FIGN: variants seen among roughly 807,000 people sequenced by gnomAD.
FIGN encodes fidgetin, microtubule severing factor.
Under a neutral mutation model 51.3 loss-of-function variants are expected in FIGN, and 11 were observed. That is an observed-to-expected ratio of 0.21 (90% confidence interval 0.13 to 0.35). FIGN has a LOEUF of 0.35. FIGN is among the 10% of genes least tolerant of loss of function. The pLI is 1.00. For synonymous variants in FIGN, 407 were observed against 363.2 expected, an observed-to-expected ratio of 1.12 and a Z score of -1.37; for missense variants, 857 against 943.6, an observed-to-expected ratio of 0.91 and a Z score of 1.20.
At chr2:163,612,609 T>C in intron 2 of FIGN, 1 of 985,130 alleles carries the variant, frequency 1.0e-6, no homozygotes. Context: ...AAGCATCACT[T>C]GTCTGTCGGT....
chr2:163,700,957 G>A (rs1024521511), intron 2 of FIGN, among the ~76,000 whole-genome samples: 2 of 152,056 alleles, frequency 1.3e-5, no homozygotes, highest in Admixed American at 1.3e-4. Flanking sequence ...GAACACACTA[G>A]ATGTACAACT....
intron 2 of FIGN, among the ~76,000 whole-genome samples, chr2:163,628,962 G>T (rs757450620): frequency 1.3e-5 from 2 of 152,102 alleles, no homozygotes; most frequent in African/African-American, 2.4e-5. Context: ...GCTACAATTT[G>T]TCTCTCCTTG....
intron 2 of FIGN, among the ~76,000 whole-genome samples, chr2:163,614,143 C>T (rs560330668): frequency 9.2e-5 from 14 of 152,180 alleles, no homozygotes; most frequent in South Asian, 8.3e-4. Context: ...AGGATGAGTT[C>T]CAGGGAGAAC....
At chr2:163,686,360 T>A (rs1273650841) in intron 2 of FIGN, among the ~76,000 whole-genome samples, 1 of 152,198 alleles carries the variant, frequency 6.6e-6, no homozygotes, top group Non-Finnish European at 1.5e-5. Flanking sequence ...GTTGATTAAA[T>A]GTACACTTAA....
intron 2 of FIGN, among the ~76,000 whole-genome samples, chr2:163,649,562 G>C (rs1182728311): frequency 4.6e-5 from 7 of 152,164 alleles, no homozygotes. Flanking sequence ...TAGGCACCCA[G>C]CATTTGAGGG....
At chr2:163,683,114 C>G (rs1684091563) in intron 2 of FIGN, among the ~76,000 whole-genome samples, 1 of 152,136 alleles carries the variant, frequency 6.6e-6, no homozygotes, top group Non-Finnish European at 1.5e-5. Context: ...CTGGATATGC[C>G]TTTTGTTGAA....
chr2:163,735,294 A>C (rs950876860), intron 1 of FIGN, among the ~76,000 whole-genome samples: 6 of 151,852 alleles, frequency 4.0e-5, no homozygotes, highest in African/African-American at 1.5e-4. Context: ...GTTCCTTGCC[A>C]ACAATACGCC....
At chr2:163,721,532 A>G (rs1423417003) in intron 2 of FIGN, among the ~76,000 whole-genome samples, 1 of 152,194 alleles carries the variant, frequency 6.6e-6, no homozygotes, top group Non-Finnish European at 1.5e-5. Context: ...CCTTCAATGT[A>G]CTGTCCTTTA....
In FIGN at chr2:163,651,286, C is replaced by A. The variant is rs187282038; in HGVS notation, c.26-39480G>T. 1.2e-4 allele frequency among the ~76,000 whole-genome samples: 19 copies of A among 152,154 alleles called. 1 individual carries two copies. In the East Asian group the frequency reaches 3.1e-3, roughly 25 times the overall value. ...GACTATCCTGGCTAACACGGTGAAA[C>A]CCCGTCTCTACTAAAAATACACAAA... is the stretch of plus-strand genomic sequence containing the variant. On this transcript the variant is annotated intron_variant, in intron 2 of 2. Coordinates refer to ENST00000333129, the MANE Select transcript of FIGN (RefSeq NM_018086.4).
chr2:163,735,702 GT>G (rs1321168114), intron 1 of FIGN, 135 bp downstream of exon 1: 1 of 152,276 alleles, frequency 6.6e-6, no homozygotes, highest in African/African-American at 2.4e-5. Context: ...ATAGAAACGA[GT>G]GGAAATTGAA....
intron 2 of FIGN, among the ~76,000 whole-genome samples, chr2:163,729,911 C>A (rs1442569711): frequency 2.0e-5 from 3 of 152,186 alleles, no homozygotes; most frequent in African/African-American, 4.8e-5. Context: ...AACAAGACAA[C>A]AAGCAGATTT....
intron 2 of FIGN, among the ~76,000 whole-genome samples, chr2:163,687,256 T>C (rs1358183007): frequency 6.6e-6 from 1 of 152,122 alleles, no homozygotes; most frequent in African/African-American, 2.4e-5. Context: ...AGGAATTGTG[T>C]CTAAACTTTT....
intron 2 of FIGN, among the ~76,000 whole-genome samples, chr2:163,638,917 AC>A (rs138255912): frequency 0.096 from 14,665 of 152,156 alleles, 1,007 homozygotes; most frequent in Non-Finnish European, 0.14. Flanking sequence ...TCTAAAAAAA[AC>A]ATCTAATTTA....
intron 2 of FIGN, among the ~76,000 whole-genome samples, chr2:163,657,799 G>A (rs1356713147): frequency 2.0e-5 from 3 of 152,010 alleles, no homozygotes; most frequent in Non-Finnish European, 4.4e-5. Context: ...GTAATAGATG[G>A]TATAGTGCAC....
chr2:163,720,099 G>A (rs1684733110), intron 2 of FIGN, among the ~76,000 whole-genome samples: 1 of 152,106 alleles, frequency 6.6e-6, no homozygotes, highest in African/African-American at 2.4e-5. Context: ...GTTATTACTG[G>A]AATCTGGAAA....
At chr2:163,666,779 C>T (rs1056256607) in intron 2 of FIGN, among the ~76,000 whole-genome samples, 5 of 151,948 alleles carry the variant, frequency 3.3e-5, no homozygotes, top group Non-Finnish European at 5.9e-5. Context: ...CAAAGAAGTA[C>T]CATAATCACA....
intron 2 of FIGN, among the ~76,000 whole-genome samples, chr2:163,672,141 G>C (rs749909679): frequency 6.6e-6 from 1 of 151,902 alleles, no homozygotes; most frequent in Admixed American, 6.6e-5. Context: ...TTAGTTCCCA[G>C]GTCAGAGCTA....
chr2:163,671,561 A>G (rs1194992992), intron 2 of FIGN, among the ~76,000 whole-genome samples: 1 of 152,204 alleles, frequency 6.6e-6, no homozygotes, highest in East Asian at 1.9e-4. Context: ...ATCAGTCAAC[A>G]TATTAATAAC....
intron 2 of FIGN, among the ~76,000 whole-genome samples, chr2:163,716,120 A>G (rs2105359692): frequency 6.6e-6 from 1 of 152,354 alleles, no homozygotes; most frequent in South Asian, 2.1e-4. Flanking sequence ...ATGAATCAGT[A>G]ATTTTCATGT....
Sources: gnomAD v4.1 joint callset for allele counts (sites outside exome capture counted in the v4.1 genomes callset) on GRCh38, gnomAD v4.1.1 for gene constraint, MANE v1.5 for transcripts, NCBI Gene and HGNC (gene_info 2026-07-23, HGNC 2026-07-21) for gene names.